UNC13C: variants seen among roughly 807,000 people sequenced by gnomAD.
UNC13C encodes protein unc-13 homolog C.
UNC13C carries 174 observed loss-of-function variants against 245.4 expected under a neutral mutation model. The observed-to-expected ratio is 0.71, with a 90% CI of 0.63 to 0.80. UNC13C has a LOEUF of 0.80. UNC13C is among the 30% of genes least tolerant of loss of function. The probability of loss-of-function intolerance (pLI) is 0.00; values close to 1 mark genes in which losing one functional copy is unlikely to be tolerated. For missense variants in UNC13C, 2,829 were observed against 2,602.9 expected, an observed-to-expected ratio of 1.09 and a Z score of -1.89; for synonymous variants, 992 against 895.1, an observed-to-expected ratio of 1.11 and a Z score of -1.93.
the UNC13C span, among the ~76,000 whole-genome samples, chr15:53,964,593 T>C: frequency 6.6e-6 from 1 of 152,212 alleles, no homozygotes; most frequent in African/African-American, 2.4e-5. Context: ...ACCTAATAAA[T>C]TCTAAAGAGA....
intron 17 of UNC13C, among the ~76,000 whole-genome samples, chr15:54,380,253 G>A (rs930201191): frequency 9.2e-5 from 14 of 151,968 alleles, no homozygotes; most frequent in African/African-American, 3.1e-4. Flanking sequence ...TCTGTGCCTG[G>A]CTTAATCCCC....
At chr15:53,958,695 G>A in the UNC13C span, among the ~76,000 whole-genome samples, 4 of 152,080 alleles carry the variant, frequency 2.6e-5, no homozygotes, top group African/African-American at 4.8e-5. Context: ...GTAGTCGTAC[G>A]TATTTTGGGG....
chr15:54,478,623 G>T (rs367871534), intron 19 of UNC13C, among the ~76,000 whole-genome samples: 2 of 151,708 alleles, frequency 1.3e-5, no homozygotes, highest in Non-Finnish European at 2.9e-5. Context: ...GAGCAGTTTT[G>T]AGTGAGTTTC....
chr15:53,949,278 C>T, the UNC13C span, among the ~76,000 whole-genome samples: 1,440 of 152,256 alleles, frequency 9.5e-3, 19 homozygotes, highest in African/African-American at 0.033. Flanking sequence ...GATATTCAGC[C>T]AGTGTGCTAA....
the UNC13C span, among the ~76,000 whole-genome samples, chr15:53,942,873 GGCTGGCCTCAA>G: frequency 1.3e-5 from 2 of 152,280 alleles, no homozygotes; most frequent in South Asian, 4.1e-4. Context: ...ATGTTGCCCA[GGCTGGCCTCAA>G]GCTCCTGGCC....
intron 2 of UNC13C, among the ~76,000 whole-genome samples, chr15:54,028,648 G>A (rs990676377): frequency 7.5e-5 from 11 of 147,438 alleles, no homozygotes; most frequent in Admixed American, 2.0e-4. Context: ...CAAGCACAGT[G>A]GTTAAGACCC....
chr15:54,346,796 A>G (rs1016426668), intron 17 of UNC13C, among the ~76,000 whole-genome samples: 1 of 152,144 alleles, frequency 6.6e-6, no homozygotes, highest in Non-Finnish European at 1.5e-5. Flanking sequence ...CACTGGACTC[A>G]CAGAGAGGTA....
intron 19 of UNC13C, among the ~76,000 whole-genome samples, chr15:54,427,577 C>G (rs796282705): frequency 7.9e-5 from 12 of 151,800 alleles, no homozygotes; most frequent in Admixed American, 2.6e-4. Context: ...TCAGAATTAC[C>G]CAGTGTATTT....
intron 30 of UNC13C, among the ~76,000 whole-genome samples, chr15:54,593,996 A>AT (rs929080208): frequency 1.3e-5 from 2 of 151,990 alleles, no homozygotes; most frequent in East Asian, 3.9e-4. Flanking sequence ...GGCTGTTCTG[A>AT]TTTTTTTGTG....
chr15:54,186,836 A>ATATATATAT (rs1567079825), intron 4 of UNC13C, among the ~76,000 whole-genome samples: 3 of 126,142 alleles, frequency 2.4e-5, no homozygotes, highest in Non-Finnish European at 5.0e-5. Flanking sequence ...CAAAGAACAT[A>ATATATATAT]ATATATATGT....
chr15:53,901,747 G>A, the UNC13C span, among the ~76,000 whole-genome samples: 1 of 152,218 alleles, frequency 6.6e-6, no homozygotes, highest in East Asian at 1.9e-4. Flanking sequence ...AAAACATTTT[G>A]CCAATTTATA....
At chr15:53,891,192 C>T in the UNC13C span, among the ~76,000 whole-genome samples, 1 of 152,026 alleles carries the variant, frequency 6.6e-6, no homozygotes, top group South Asian at 2.1e-4. Context: ...TTTCTTAATC[C>T]TGGGTTCTAA....
chr15:54,244,686 C>T (rs1420903484), intron 7 of UNC13C, among the ~76,000 whole-genome samples: 2 of 152,084 alleles, frequency 1.3e-5, no homozygotes, highest in African/African-American at 2.4e-5. Flanking sequence ...AGGTCTTTCA[C>T]TTCTTTTGTT....
At chr15:54,616,482 C>G (rs985315740) in intron 30 of UNC13C, among the ~76,000 whole-genome samples, 1 of 152,018 alleles carries the variant, frequency 6.6e-6, no homozygotes, top group East Asian at 1.9e-4. Context: ...AGAAAAGACT[C>G]AAGTTAAAAA....
the UNC13C span, among the ~76,000 whole-genome samples, chr15:53,958,897 T>C: frequency 6.6e-6 from 1 of 152,172 alleles, no homozygotes; most frequent in African/African-American, 2.4e-5. Context: ...ACTTATTCCT[T>C]CCACGTAACT....
intron 22 of UNC13C, among the ~76,000 whole-genome samples, chr15:54,506,534 A>G (rs776661379): frequency 6.6e-6 from 1 of 152,088 alleles, no homozygotes; most frequent in Non-Finnish European, 1.5e-5. Flanking sequence ...TCAACGAAGT[A>G]TTGATTTTCT....
At chr15:54,443,772 C>T (rs1386142894) in intron 19 of UNC13C, among the ~76,000 whole-genome samples, 1 of 150,820 alleles carries the variant, frequency 6.6e-6, no homozygotes, top group Non-Finnish European at 1.5e-5. Flanking sequence ...TGAGAAGACA[C>T]GATGTCATTT....
chr15:54,331,168 G>C (rs1301587111), intron 14 of UNC13C, among the ~76,000 whole-genome samples: 1 of 152,032 alleles, frequency 6.6e-6, no homozygotes, highest in Admixed American at 6.6e-5. Flanking sequence ...GGTGTTTACA[G>C]AATATTAATG....
At chr15:54,180,325 G>A (rs531982681) in intron 4 of UNC13C, among the ~76,000 whole-genome samples, 12 of 152,104 alleles carry the variant, frequency 7.9e-5, no homozygotes, top group Admixed American at 5.3e-4. Flanking sequence ...CTGCTACAAA[G>A]GACATGATTT....
Sources: allele counts gnomAD v4.1 joint callset (sites outside exome capture counted in the v4.1 genomes callset), GRCh38; gene constraint gnomAD v4.1.1; transcripts MANE v1.5; gene names NCBI Gene and HGNC (gene_info 2026-07-23, HGNC 2026-07-21).